FER1L6: variants seen among roughly 807,000 people sequenced by gnomAD.
FER1L6 encodes the protein fer-1 like family member 6.
FER1L6 carries 177 observed loss-of-function variants against 219.2 expected under a neutral mutation model. That is an observed-to-expected ratio of 0.81 (90% CI 0.71 to 0.91). The LOEUF (loss-of-function observed/expected upper bound fraction) is 0.91. Among genes scored for constraint, FER1L6 ranks in the 40% least tolerant of loss-of-function variants. The pLI, the probability that FER1L6 is intolerant of heterozygous loss-of-function variation, is 0.00. For synonymous variants in FER1L6, 768 were observed against 824.3 expected, an observed-to-expected ratio of 0.93 and a Z score of 1.17; for missense variants, 2,153 against 2,259.9, an observed-to-expected ratio of 0.95 and a Z score of 0.96.
At chr8:123,902,436 G>T (rs1812876455) in intron 1 of FER1L6, among the ~76,000 whole-genome samples, 1 of 152,090 alleles carries the variant, frequency 6.6e-6, no homozygotes, top group Non-Finnish European at 1.5e-5. Context: ...TTGTGTTGCT[G>T]TCCATCTCAT....
At chr8:124,048,992 C>T (rs77289455) in intron 21 of FER1L6, among the ~76,000 whole-genome samples, 1,649 of 152,260 alleles carry the variant, frequency 0.011, 15 homozygotes, top group Middle Eastern at 0.054. Flanking sequence ...GAGAGATAGC[C>T]CCTAAGATAG....
intron 1 of FER1L6, among the ~76,000 whole-genome samples, chr8:123,868,163 G>A (rs1039051068): frequency 6.6e-6 from 1 of 152,086 alleles, no homozygotes; most frequent in African/African-American, 2.4e-5. Flanking sequence ...CCAGTACAGT[G>A]GGAACATATC....
chr8:124,099,596 G>T (rs969243192), intron 37 of FER1L6, among the ~76,000 whole-genome samples: 2 of 151,952 alleles, frequency 1.3e-5, no homozygotes, highest in Non-Finnish European at 2.9e-5. Flanking sequence ...CATCCAAATT[G>T]GCCTCCCCAT....
rs1253120751 is a variant in FER1L6 at position 123,944,143 on chromosome 8, T to C, written c.-7-11849T>C. ...AAGGATTAAGTGGAAAAAAAGTATA[T>C]AGAGCTTTTAGCCCAATGCATGGCT... is the stretch of plus-strand genomic sequence containing the variant. On this transcript the variant is annotated intron_variant, in intron 1 of 40. Transcript: ENST00000522917. Among the ~76,000 whole-genome samples, 3 of 152,070 alleles carry C rather than the reference T, an allele frequency of 2.0e-5. No homozygotes were observed. In the East Asian group the frequency reaches 5.8e-4, roughly 29 times the overall value.
chr8:124,059,063 T>C (rs948274774), intron 22 of FER1L6: 3 of 152,220 alleles, frequency 2.0e-5, no homozygotes, highest in Admixed American at 2.0e-4. Context: ...TGGACTAATA[T>C]GTCAGTCAAC....
chr8:123,982,244 C>A (rs567855415), intron 11 of FER1L6, among the ~76,000 whole-genome samples: 1 of 152,132 alleles, frequency 6.6e-6, no homozygotes, highest in African/African-American at 2.4e-5. Flanking sequence ...TCCCTGTAGT[C>A]GTTTTTCCTG....
intron 22 of FER1L6, 97 bp downstream of exon 22, chr8:124,049,853 C>T (rs554278779): frequency 1.7e-5 from 22 of 1,258,556 alleles, no homozygotes; most frequent in Non-Finnish European, 2.4e-5. Flanking sequence ...GTGCCTGATC[C>T]CTCGCTGCAA....
chr8:123,893,533 C>T (rs774887752), intron 1 of FER1L6, among the ~76,000 whole-genome samples: 38 of 152,120 alleles, frequency 2.5e-4, no homozygotes, highest in Non-Finnish European at 4.1e-4. Context: ...GGATTTGAGT[C>T]ATATTTCTTT....
intron 17 of FER1L6, 134 bp downstream of exon 17, chr8:124,021,803 C>G (rs1281155987): frequency 2.1e-6 from 2 of 943,710 alleles, no homozygotes; most frequent in Non-Finnish European, 3.2e-6. Context: ...GCAGGCACTC[C>G]TAGTTTAGAG....
rs185605271 is a variant in FER1L6 at position 123,990,631 on chromosome 8, G to A, written c.1519+4455G>A. Among the ~76,000 whole-genome samples, 4 of 152,252 alleles carry A rather than the reference G, an allele frequency of 2.6e-5. No homozygotes were observed. In the East Asian group the frequency reaches 7.7e-4, roughly 29 times the overall value. The stretch of plus-strand genomic sequence containing the variant: ...TATTCTGGATATTAGTCCTTTGTTG[G>A]ATGCATAGTTTGCAAAGGTTTTCTC... On this transcript the variant is annotated intron_variant, in intron 12 of 40. Coordinates refer to ENST00000522917, the MANE Select transcript of FER1L6 (RefSeq NM_001039112.2).
At chr8:123,939,908 A>G (rs1814164447) in intron 1 of FER1L6, among the ~76,000 whole-genome samples, 1 of 152,216 alleles carries the variant, frequency 6.6e-6, no homozygotes, top group African/African-American at 2.4e-5. Flanking sequence ...TTCCTCACAT[A>G]GCTACAAATG....
intron 2 of FER1L6, 124 bp downstream of exon 2, chr8:123,956,198 AC>A (rs1815011752): frequency 1.1e-6 from 1 of 870,176 alleles, no homozygotes. Flanking sequence ...GCTGCCCCCG[AC>A]CCTTTAGGTC....
intron 1 of FER1L6, among the ~76,000 whole-genome samples, chr8:123,859,685 A>G (rs1393912294): frequency 3.6e-4 from 13 of 35,634 alleles, no homozygotes; most frequent in Admixed American, 8.8e-4. Context: ...ATATCTCCCA[A>G]TGCTATCCCC....
intron 1 of FER1L6, among the ~76,000 whole-genome samples, chr8:123,862,405 A>G (rs866369365): frequency 7.3e-6 from 1 of 137,900 alleles, no homozygotes; most frequent in Non-Finnish European, 1.5e-5. Flanking sequence ...GGATTTTTGC[A>G]TCAATGTTCA....
In FER1L6 at chr8:124,021,655, T is replaced by A. The variant is rs757482793; in HGVS notation, c.2119T>A (p.Phe707Ile). 4 of 1,614,026 alleles carry A rather than the reference T, an allele frequency of 2.5e-6. No individual in the cohort carries two copies. In the African/African-American group the frequency reaches 4.0e-5, roughly 16 times the overall value. ...EAQNFVEKIR[F>I]LVDEPQHTIP... ...CCAAAACTTTGTGGAAAAAATCCGC[T>A]TTCTTGTTGATGAGGTAACTGACTC... is the stretch of plus-strand genomic sequence containing the variant. Residue 707 changes from phenylalanine (F) to isoleucine (I), a missense_variant, in exon 17 of 41, where the codon TTT (phenylalanine) becomes ATT (isoleucine). Phe to Ile is a conservative substitution (Grantham distance 21). Transcript: ENST00000522917.
chr8:124,012,162 A>G (rs1817965629), intron 14 of FER1L6, among the ~76,000 whole-genome samples: 1 of 152,170 alleles, frequency 6.6e-6, no homozygotes, highest in Non-Finnish European at 1.5e-5. Context: ...GTTAAAACCT[A>G]TGCTAAGTCA....
intron 35 of FER1L6, among the ~76,000 whole-genome samples, chr8:124,096,774 C>T (rs967619597): frequency 6.6e-6 from 1 of 152,162 alleles, no homozygotes; most frequent in African/African-American, 2.4e-5. Flanking sequence ...TTGAAGCATA[C>T]TTGTGACAGT....
chr8:123,978,471 A>G (rs1233108838), intron 10 of FER1L6, among the ~76,000 whole-genome samples: 1 of 152,136 alleles, frequency 6.6e-6, no homozygotes, highest in African/African-American at 2.4e-5. Flanking sequence ...CCACTCAGTT[A>G]TATGGCTCTT....
At chr8:123,947,337 G>T (rs962145764) in intron 1 of FER1L6, among the ~76,000 whole-genome samples, 2 of 152,122 alleles carry the variant, frequency 1.3e-5, no homozygotes, top group African/African-American at 4.8e-5. Flanking sequence ...AACTGAGGCT[G>T]GGTGACAGCC....
Sources: allele counts gnomAD v4.1 joint callset (sites outside exome capture counted in the v4.1 genomes callset), GRCh38; gene constraint gnomAD v4.1.1; transcripts MANE v1.5; gene names NCBI Gene and HGNC (gene_info 2026-07-23, HGNC 2026-07-21).